Variants in SRD5A2 observed in about 807,000 individuals in gnomAD.
SRD5A2 encodes steroid 5 alpha-reductase 2, also known as 3-oxo-5-alpha-steroid 4-dehydrogenase 2.
In SRD5A2, 30 loss-of-function variants were observed where a neutral mutation model predicts 27.4. The observed-to-expected ratio is 1.10, with a 90% CI of 0.82 to 1.49. The LOEUF is 1.49. Ranked by LOEUF, SRD5A2 falls within the 40% of genes most tolerant of loss-of-function variation. The pLI is 0.00. For missense variants in SRD5A2, 348 were observed against 323.4 expected (o/e 1.08, Z -0.58); for synonymous variants, 141 against 133.6 (o/e 1.06, Z -0.38).
chr2:31,548,626 C>A (rs1212114079), intron 1 of SRD5A2, among the ~76,000 whole-genome samples: 2 of 152,106 alleles, frequency 1.3e-5, no homozygotes, highest in Non-Finnish European at 2.9e-5. Context: ...AACACTTGTG[C>A]CCTGATAGTA....
chr2:31,636,834 G>A, the SRD5A2 span, among the ~76,000 whole-genome samples: 179 of 152,126 alleles, frequency 1.2e-3, 1 homozygote, highest in African/African-American at 4.0e-3. Flanking sequence ...ATTTGATCAC[G>A]GTAAATGATC....
In SRD5A2 at chr2:31,533,705, C is replaced by A; in HGVS notation, c.343G>T (p.Gly115Cys). 1 of 1,594,374 alleles carries A rather than the reference C, an allele frequency of 6.3e-7. No homozygotes were observed. The highest frequency in any genetic ancestry group is 8.5e-7 in the Non-Finnish European group (1 of 1,170,078). The stretch of plus-strand genomic sequence containing the variant: ...CCATTTCCAGTGCAGAAGGCAGTGC[C>A]TCTGAGAATGAGTATAGCTGGATAA... ...RPYPAILILRGTAFCTGNGVL... is the reference protein window; with the variant it reads ...RPYPAILILRCTAFCTGNGVL... The change falls in exon 2 of 5, where the codon GGC becomes TGC. Residue 115 changes from glycine to cysteine, a missense_variant. Physicochemically the swap from Gly to Cys is radical, Grantham distance 159 (BLOSUM62 -3). Coordinates refer to ENST00000622030, the MANE Select transcript of SRD5A2 (RefSeq NM_000348.4).
intron 1 of SRD5A2, among the ~76,000 whole-genome samples, chr2:31,579,586 C>T (rs1457435602): frequency 6.6e-6 from 1 of 152,216 alleles, no homozygotes; most frequent in African/African-American, 2.4e-5. Context: ...TGCATCTTAG[C>T]GGGCACCAGC....
At chr2:31,603,945 G>T in the SRD5A2 span, among the ~76,000 whole-genome samples, 1 of 151,636 alleles carries the variant, frequency 6.6e-6, no homozygotes, top group Non-Finnish European at 1.5e-5. Context: ...AATGGATTCT[G>T]GGCTTAATAC....
At chr2:31,573,728 G>A (rs1421385678) in intron 1 of SRD5A2, among the ~76,000 whole-genome samples, 1 of 152,202 alleles carries the variant, frequency 6.6e-6, no homozygotes, top group East Asian at 1.9e-4. Context: ...ACCTGCCAAA[G>A]GATGCGTACA....
the SRD5A2 span, among the ~76,000 whole-genome samples, chr2:31,592,878 C>A: frequency 1.3e-5 from 2 of 152,170 alleles, no homozygotes; most frequent in Admixed American, 6.5e-5. Flanking sequence ...TGTTAATTAT[C>A]AAGCTACTCA....
the SRD5A2 span, among the ~76,000 whole-genome samples, chr2:31,586,159 G>A: frequency 6.6e-5 from 10 of 152,000 alleles, no homozygotes; most frequent in Admixed American, 2.0e-4. Flanking sequence ...AGCGGTGTAC[G>A]CCGTACCCAA....
At chr2:31,548,103 A>G (rs1370555833) in intron 1 of SRD5A2, among the ~76,000 whole-genome samples, 1 of 152,172 alleles carries the variant, frequency 6.6e-6, no homozygotes, top group Non-Finnish European at 1.5e-5. Flanking sequence ...CTCAAAATTG[A>G]TCAAAGACCT....
At chr2:31,646,737 A>T in the SRD5A2 span, among the ~76,000 whole-genome samples, 1 of 152,214 alleles carries the variant, frequency 6.6e-6, no homozygotes, top group African/African-American at 2.4e-5. Context: ...AATATTAAAA[A>T]AAAATGAGGT....
At chr2:31,636,558 T>G in the SRD5A2 span, among the ~76,000 whole-genome samples, 1 of 152,112 alleles carries the variant, frequency 6.6e-6, no homozygotes, top group Non-Finnish European at 1.5e-5. Context: ...CTTGTTCCAG[T>G]CTTTAGAGGA....
the SRD5A2 span, among the ~76,000 whole-genome samples, chr2:31,659,873 G>T: frequency 6.6e-6 from 1 of 152,036 alleles, no homozygotes; most frequent in South Asian, 2.1e-4. Flanking sequence ...TACCCATATA[G>T]TAGGGTGTTT....
chr2:31,532,245 G>A (rs569465997), intron 2 of SRD5A2, among the ~76,000 whole-genome samples: 1 of 152,088 alleles, frequency 6.6e-6, no homozygotes, highest in East Asian at 1.9e-4. Flanking sequence ...AATTATTCCC[G>A]TCACTATTAT....
chr2:31,536,307 A>G (rs1666026689), intron 1 of SRD5A2, among the ~76,000 whole-genome samples: 2 of 152,226 alleles, frequency 1.3e-5, no homozygotes, highest in Admixed American at 1.3e-4. Context: ...AACATAATAA[A>G]AGCTCATTTC....
the SRD5A2 span, among the ~76,000 whole-genome samples, chr2:31,610,144 G>A: frequency 2.0e-5 from 3 of 152,078 alleles, no homozygotes; most frequent in Non-Finnish European, 4.4e-5. Flanking sequence ...AAATTGAAGA[G>A]GAGGGAATAT....
At chr2:31,591,491 A>T in the SRD5A2 span, among the ~76,000 whole-genome samples, 29 of 152,132 alleles carry the variant, frequency 1.9e-4, no homozygotes, top group Admixed American at 9.8e-4. Flanking sequence ...TGTTGGTGGG[A>T]CTGTAAACTA....
At chr2:31,603,104 G>T in the SRD5A2 span, among the ~76,000 whole-genome samples, 1 of 152,042 alleles carries the variant, frequency 6.6e-6, no homozygotes, top group Non-Finnish European at 1.5e-5. Flanking sequence ...CACAGCAAAA[G>T]AAACTATCAT....
chr2:31,547,159 T>C (rs893083329), intron 1 of SRD5A2, among the ~76,000 whole-genome samples: 2 of 152,116 alleles, frequency 1.3e-5, no homozygotes, highest in African/African-American at 4.8e-5. Context: ...CATAGACCTG[T>C]GAAATACAAT....
chr2:31,601,747 G>A, the SRD5A2 span, among the ~76,000 whole-genome samples: 1 of 151,918 alleles, frequency 6.6e-6, no homozygotes, highest in Non-Finnish European at 1.5e-5. Flanking sequence ...GTTGCAAGGT[G>A]AGTTCAACAT....
chr2:31,585,192 T>C (rs1331273796), upstream of SRD5A2, among the ~76,000 whole-genome samples: 1 of 152,198 alleles, frequency 6.6e-6, no homozygotes, highest in Non-Finnish European at 1.5e-5. Flanking sequence ...TGAAGTGCTC[T>C]GGATCTCTGA....
Sources: gnomAD v4.1 joint callset for allele counts (sites outside exome capture counted in the v4.1 genomes callset) on GRCh38, gnomAD v4.1.1 for gene constraint, MANE v1.5 for transcripts, NCBI Gene and HGNC (gene_info 2026-07-23, HGNC 2026-07-21) for gene names.